Variants in KCNJ4 observed in about 807,000 individuals in gnomAD.
KCNJ4 encodes the protein inward rectifier potassium channel 4.
Under a neutral mutation model 25.6 loss-of-function variants are expected in KCNJ4, and 3 were observed. The observed-to-expected ratio is 0.12, with a 90% confidence interval of 0.05 to 0.30. The LOEUF (loss-of-function observed/expected upper bound fraction) is 0.30, where lower values mean the gene tolerates loss of function less well. Ranked by LOEUF, KCNJ4 falls within the 10% of genes least tolerant of loss-of-function variation. KCNJ4 has a pLI of 1.00. For missense variants in KCNJ4, 286 were observed against 666.8 expected (o/e 0.43, Z 6.29); for synonymous variants, 257 against 283.9 (o/e 0.91, Z 0.95).
At chr22:38,430,389 A>G (rs1951508243) in intron 1 of KCNJ4, among the ~76,000 whole-genome samples, 2 of 152,170 alleles carry the variant, frequency 1.3e-5, no homozygotes, top group African/African-American at 2.4e-5. Context: ...CTGTAATCCC[A>G]GCTACTGGGG....
intron 1 of KCNJ4, among the ~76,000 whole-genome samples, chr22:38,446,754 G>A (rs924018495): frequency 1.2e-4 from 19 of 152,046 alleles, no homozygotes; most frequent in African/African-American, 4.1e-4. Context: ...TCAGGAGTTC[G>A]AGACCAGCCT....
At chr22:38,436,777 C>G (rs1440215900) in intron 1 of KCNJ4, among the ~76,000 whole-genome samples, 1 of 152,200 alleles carries the variant, frequency 6.6e-6, no homozygotes, top group Non-Finnish European at 1.5e-5. Context: ...ATCATTACCC[C>G]TGTTTTAGAA....
At chr22:38,446,687 G>T (rs372768108) in intron 1 of KCNJ4, among the ~76,000 whole-genome samples, 13 of 152,176 alleles carry the variant, frequency 8.5e-5, no homozygotes, top group Admixed American at 5.9e-4. Flanking sequence ...AGGCACGGTG[G>T]CTCATACCTA....
chr22:38,438,307 G>A (rs1314347447), intron 1 of KCNJ4, among the ~76,000 whole-genome samples: 1 of 151,284 alleles, frequency 6.6e-6, no homozygotes, highest in Non-Finnish European at 1.5e-5. Context: ...GGCTGAGGCA[G>A]GAGAATTGCT....
At chr22:38,445,326 C>T (rs1380502629) in intron 1 of KCNJ4, among the ~76,000 whole-genome samples, 1 of 152,038 alleles carries the variant, frequency 6.6e-6, no homozygotes, top group Non-Finnish European at 1.5e-5. Context: ...AGTTGTGGCA[C>T]CTATGTCTTT....
rs1359030280 is a variant in KCNJ4, at chr22:38,426,908, C to T, written c.1225G>A (p.Glu409Lys). Residue 409 changes from glutamate to lysine, a missense_variant, in exon 2 of 2, where the codon GAG (glutamate) becomes AAG (lysine). Physicochemically the swap from Glu to Lys is moderately conservative, Grantham distance 56. Coordinates refer to ENST00000303592, the MANE Select transcript of KCNJ4 (RefSeq NM_152868.3). ...AGCATCCGGATGATGCCCGCCTCCT[C>T]CTTGGAACCCGCCTCCAGGCCCAGG... ...AGLGLEAGSK[E>K]EAGIIRMLEF... 1.9e-6 allele frequency: 3 copies of T among 1,612,972 alleles called. No homozygotes were observed. Among genetic ancestry groups the T allele is most frequent in the Admixed American group, 3.3e-5 (2 of 60,022 alleles).
chr22:38,453,015 C>A (rs1413878402), intron 1 of KCNJ4, among the ~76,000 whole-genome samples: 1 of 151,384 alleles, frequency 6.6e-6, no homozygotes, highest in East Asian at 1.9e-4. Context: ...CTCCTCACAC[C>A]CCCCTTAGCA....
intron 1 of KCNJ4, among the ~76,000 whole-genome samples, chr22:38,446,520 G>A (rs1263682301): frequency 1.3e-5 from 2 of 152,210 alleles, no homozygotes; most frequent in Non-Finnish European, 2.9e-5. Context: ...GGTACCCCAA[G>A]GCAGTGGCTG....
At chr22:38,438,579 C>T (rs1387651837) in intron 1 of KCNJ4, among the ~76,000 whole-genome samples, 1 of 136,946 alleles carries the variant, frequency 7.3e-6, no homozygotes, top group East Asian at 2.1e-4. Flanking sequence ...CTCCCAGCTA[C>T]CCGGGAGGCT....
chr22:38,442,109 C>T (rs1020803085), intron 1 of KCNJ4, among the ~76,000 whole-genome samples: 4 of 151,940 alleles, frequency 2.6e-5, no homozygotes, highest in African/African-American at 7.3e-5. Flanking sequence ...TGGCTGGGGA[C>T]AGGGTGGGAG....
intron 1 of KCNJ4, among the ~76,000 whole-genome samples, chr22:38,452,594 G>T (rs555213548): frequency 6.6e-6 from 1 of 152,122 alleles, no homozygotes; most frequent in Non-Finnish European, 1.5e-5. Flanking sequence ...CTCGGCTTTC[G>T]TCCCGGTGCC....
At position 38,426,889 on chromosome 22, in the gene KCNJ4, C is replaced by T. The variant is rs201069121; in HGVS notation, c.1244G>A (p.Arg415Gln). 43 of 1,613,190 alleles carry T rather than the reference C, an allele frequency of 2.7e-5. No individual in the cohort carries two copies. Among genetic ancestry groups the T allele is most frequent in the Non-Finnish European group, 3.5e-5 (41 of 1,179,948 alleles). ...AGSKEEAGIIRMLEFGSHLDL... is the reference protein window; with the variant it reads ...AGSKEEAGIIQMLEFGSHLDL... ...CAGGTGGCTGCCGAACTCCAGCATC[C>T]GGATGATGCCCGCCTCCTCCTTGGA... Residue 415 changes from arginine (R) to glutamine (Q), a missense_variant, in exon 2 of 2, where the codon CGG (arginine) becomes CAG (glutamine). By Grantham distance (43) the Arg-to-Gln change is conservative (BLOSUM62 1). This residue lies in a region of KCNJ4 where 77 missense variants were observed against 97.6 expected (regional missense o/e 0.79). Coordinates refer to ENST00000303592, the MANE Select transcript of KCNJ4 (RefSeq NM_152868.3).
At chr22:38,438,196 T>C (rs1031131753) in intron 1 of KCNJ4, among the ~76,000 whole-genome samples, 6 of 135,548 alleles carry the variant, frequency 4.4e-5, no homozygotes, top group Non-Finnish European at 7.7e-5. Flanking sequence ...GCCGAGATCA[T>C]GCCATTGCAT....
At position 38,443,213 on chromosome 22, in the gene KCNJ4, G is replaced by A. The variant is rs566336485; in HGVS notation, c.-40+11767C>T. Among the ~76,000 whole-genome samples the A allele has an allele frequency of 3.9e-5, 6 of 152,094 alleles. No individual in the cohort carries two copies. The East Asian group carries it at 7.7e-4, about 20-fold the overall frequency. ...AGGCCTGAGGGTCCCTCTCCAGGTCGCCCCTTGCTCTCCTGCCTCTGGCCT... is the reference window on the plus strand; with the variant it reads ...AGGCCTGAGGGTCCCTCTCCAGGTCACCCCTTGCTCTCCTGCCTCTGGCCT... On this transcript the variant is annotated intron_variant, in intron 1 of 1. Transcript: ENST00000303592. The surrounding 1 kb of genome is among the most constrained non-coding windows in gnomAD (Gnocchi z 4.1).
At chr22:38,440,180 C>T (rs771559243) in intron 1 of KCNJ4, among the ~76,000 whole-genome samples, 6 of 152,094 alleles carry the variant, frequency 3.9e-5, no homozygotes, top group South Asian at 2.1e-4. Flanking sequence ...GAGGCTGAGG[C>T]GGGTGGATTG....
At chr22:38,436,979 T>C (rs2093067271) in intron 1 of KCNJ4, among the ~76,000 whole-genome samples, 1 of 152,144 alleles carries the variant, frequency 6.6e-6, no homozygotes, top group Non-Finnish European at 1.5e-5. Flanking sequence ...ACGTGCCAGG[T>C]TCTGTGAAGT....
At chr22:38,429,083 CAAAAAAAAA>C (rs10582408) in intron 1 of KCNJ4, among the ~76,000 whole-genome samples, 185 of 108,860 alleles carry the variant, frequency 1.7e-3, no homozygotes, top group African/African-American at 5.8e-3. Flanking sequence ...GACCCCATGT[CAAAAAAAAA>C]AAAAAAAAAA....
At chr22:38,445,456 CA>C (rs2089367068) in intron 1 of KCNJ4, among the ~76,000 whole-genome samples, 1 of 152,180 alleles carries the variant, frequency 6.6e-6, no homozygotes, top group Non-Finnish European at 1.5e-5. Context: ...GTAGTAAAAG[CA>C]AACATCCTGT....
At chr22:38,430,381 G>A (rs1452135082) in intron 1 of KCNJ4, among the ~76,000 whole-genome samples, 2 of 152,170 alleles carry the variant, frequency 1.3e-5, no homozygotes, top group South Asian at 2.1e-4. Flanking sequence ...GCGTGTGCCT[G>A]TAATCCCAGC....
Sources: allele counts gnomAD v4.1 joint callset (sites outside exome capture counted in the v4.1 genomes callset), GRCh38; gene constraint gnomAD v4.1.1; regional missense constraint gnomAD v4.1.1; non-coding constraint Gnocchi (gnomAD v3.1); transcripts MANE v1.5; gene names NCBI Gene and HGNC (gene_info 2026-07-23, HGNC 2026-07-21).